KIAA1549: variants seen among roughly 807,000 people sequenced by gnomAD.
The protein encoded by KIAA1549 is UPF0606 protein KIAA1549.
Under a neutral mutation model 156.4 loss-of-function variants are expected in KIAA1549, and 70 were observed. That is an observed-to-expected ratio of 0.45 (90% CI 0.37 to 0.55). The LOEUF (loss-of-function observed/expected upper bound fraction) is 0.55. Among genes scored for constraint, KIAA1549 ranks in the 20% least tolerant of loss-of-function variants. The pLI is 0.00. For synonymous variants in KIAA1549, 1,103 were observed against 1,066.4 expected (o/e 1.03, Z -0.67); for missense variants, 2,428 against 2,540.9 (o/e 0.96, Z 0.96).
chr7:138,975,615 A>T (rs186017678), intron 1 of KIAA1549, among the ~76,000 whole-genome samples: 54 of 152,346 alleles, frequency 3.5e-4, no homozygotes, highest in African/African-American at 9.6e-4. Context: ...ACAAAGTTAC[A>T]GGCAGATTTG....
Position 138,899,009 on chromosome 7 carries a change from G to C in KIAA1549, c.3793C>G (p.Leu1265Val), listed in dbSNP as rs746975099. ...CCCAAGATGATGGCTGCTCTCTGGA[G>C]GTCCATTTTGTTAATCAGGTCCGAA... is the stretch of plus-strand genomic sequence containing the variant. ...KSSDLINKMD[L>V]QRAAIILGYR... Residue 1265 changes from leucine to valine, a missense_variant, in exon 9 of 20, where the codon CTC (leucine) becomes GTC (valine). Around this residue, in one of 5 missense-constraint regions of KIAA1549, gnomAD observed 762 missense variants for 901.6 expected, o/e 0.85. Transcript: ENST00000422774. 11 of 1,613,790 alleles carry C rather than the reference G, an allele frequency of 6.8e-6. No homozygotes were observed. The highest frequency in any genetic ancestry group is 9.3e-6 in the Non-Finnish European group (11 of 1,179,752).
At position 138,844,404 on chromosome 7, in the gene KIAA1549, A is replaced by C; in HGVS notation, c.5365T>G (p.Ser1789Ala). 1 of 1,605,230 alleles carries C rather than the reference A, an allele frequency of 6.2e-7. No individual in the cohort carries two copies. Among genetic ancestry groups the C allele is most frequent in the South Asian group, 1.1e-5 (1 of 89,846 alleles). Residue 1789 changes from serine to alanine, a missense_variant, in exon 18 of 20, where the codon TCC (serine) becomes GCC (alanine). Transcript: ENST00000422774. ...CTGGCAGCAAATGGGGCTTCGGCGG[A>C]GGCCTGTGGCTGCTGAGGGTCAGGG... Reference protein sequence around the residue: ...VPPDPQQPQASAEAPFAARGI... With the variant: ...VPPDPQQPQAAAEAPFAARGI...
At position 138,832,464 on chromosome 7, in the gene KIAA1549, G is replaced by A. The variant is rs112970796; in HGVS notation, c.*5442C>T. On this transcript the variant is annotated 3_prime_UTR_variant, in exon 20 of 20. Transcript: ENST00000422774. ...TCCTCCTGCCTCAGCCTCCCAAAGC[G>A]TTGAGATTAGAGGCTTGAGCCACCA... 2,946 of 193,956 alleles carry A rather than the reference G, an allele frequency of 0.015. 111 individuals are homozygous for A. The highest frequency in any genetic ancestry group is 0.064 in the African/African-American group (2,748 of 43,250). The allele number at this position is 193,956 out of a possible 1,614,324, so 12.0% of individuals were successfully genotyped here.
At chr7:138,942,202 C>G (rs955788624) in intron 1 of KIAA1549, among the ~76,000 whole-genome samples, 5 of 152,178 alleles carry the variant, frequency 3.3e-5, no homozygotes. Flanking sequence ...CAGCACCACA[C>G]TGTCTCTCTG....
At chr7:138,905,933 A>C (rs371777363) in intron 6 of KIAA1549, among the ~76,000 whole-genome samples, 1 of 152,246 alleles carries the variant, frequency 6.6e-6, no homozygotes, top group African/African-American at 2.4e-5. Flanking sequence ...GAACAGTTTC[A>C]CAACCCCCAA....
chr7:138,968,179 G>GC (rs1208116203), intron 1 of KIAA1549, among the ~76,000 whole-genome samples: 1 of 152,110 alleles, frequency 6.6e-6, no homozygotes, highest in Non-Finnish European at 1.5e-5. Flanking sequence ...CACACACCAG[G>GC]CCCTCTCGGT....
intron 18 of KIAA1549, among the ~76,000 whole-genome samples, chr7:138,841,151 G>C (rs941393848): frequency 2.0e-5 from 3 of 152,126 alleles, no homozygotes; most frequent in African/African-American, 7.2e-5. Context: ...TAAGAAAGGG[G>C]TGACAGGTTT....
Position 138,889,261 on chromosome 7 carries a change from CTCTATAGGGCGG to C in KIAA1549, c.4032+5069_4032+5080del, listed in dbSNP as rs1305977609. On this transcript the variant is annotated intron_variant, in intron 10 of 19. Transcript: ENST00000422774. ...AACGTAAAAATACAAACAGTATTGC[CTCTATAGGGCGG>C]TCTACGTAGCCCAAGCCTAGGCACC... Among the ~76,000 whole-genome samples, 8 of 152,298 alleles carry C rather than the reference CTCTATAGGGCGG, an allele frequency of 5.3e-5. No individual in the cohort carries two copies. The East Asian group carries it at 1.5e-3, about 29-fold the overall frequency.
intron 12 of KIAA1549, among the ~76,000 whole-genome samples, 163 bp downstream of exon 12, chr7:138,879,375 C>T (rs925034640): frequency 8.5e-5 from 13 of 152,120 alleles, no homozygotes; most frequent in Admixed American, 3.9e-4. Flanking sequence ...ACCAATACCA[C>T]GTTAGATGGT....
At chr7:138,877,362 T>C (rs1260948386) in intron 12 of KIAA1549, among the ~76,000 whole-genome samples, 1 of 152,052 alleles carries the variant, frequency 6.6e-6, no homozygotes, top group Non-Finnish European at 1.5e-5. Context: ...GGTGTGGTGG[T>C]ATACGTCTGT....
intron 17 of KIAA1549, 33 bp downstream of exon 17, chr7:138,852,188 GAA>G: frequency 6.5e-7 from 1 of 1,528,018 alleles, no homozygotes; most frequent in Non-Finnish European, 9.0e-7. Flanking sequence ...GCCTATGTGA[GAA>G]AGTGATAATA....
chr7:138,954,319 C>T (rs512290), intron 1 of KIAA1549, among the ~76,000 whole-genome samples: 64,090 of 151,978 alleles, frequency 0.42, 17,746 homozygotes, highest in African/African-American at 0.8. Flanking sequence ...GAGTAAGATA[C>T]TAAAGAAAGA....
chr7:138,880,520 C>G (rs189557200), intron 11 of KIAA1549, among the ~76,000 whole-genome samples: 335 of 152,320 alleles, frequency 2.2e-3, no homozygotes, highest in Non-Finnish European at 3.9e-3. Context: ...CCTGATAAGA[C>G]AGAAGTCATG....
chr7:138,854,414 A>T (rs1160079470), intron 16 of KIAA1549, among the ~76,000 whole-genome samples: 1 of 152,228 alleles, frequency 6.6e-6, no homozygotes, highest in African/African-American at 2.4e-5. Flanking sequence ...ACCAACTATC[A>T]CGTGGCCTGA....
intron 7 of KIAA1549, 135 bp from the exon 8 acceptor site, chr7:138,903,871 A>ACG (rs781582979): frequency 1.0e-5 from 6 of 592,916 alleles, no homozygotes; most frequent in African/African-American, 6.6e-5. Flanking sequence ...GCGCGCGCGC[A>ACG]CATATGTATT....
intron 18 of KIAA1549, among the ~76,000 whole-genome samples, chr7:138,841,023 G>T (rs1024461335): frequency 3.9e-5 from 6 of 152,184 alleles, no homozygotes; most frequent in Non-Finnish European, 7.3e-5. Context: ...TTAATTCAGA[G>T]GCTGACAGTG....
intron 1 of KIAA1549, among the ~76,000 whole-genome samples, chr7:138,941,610 G>A (rs1366744338): frequency 1.3e-5 from 2 of 152,184 alleles, no homozygotes; most frequent in Non-Finnish European, 2.9e-5. Flanking sequence ...CTGTGCGACA[G>A]AAGAATCCTC....
intron 17 of KIAA1549, among the ~76,000 whole-genome samples, chr7:138,846,585 T>C (rs1002011852): frequency 6.7e-5 from 10 of 150,110 alleles, no homozygotes; most frequent in Admixed American, 1.3e-4. Flanking sequence ...TCACCCACCA[T>C]TGCTTTTGCA....
intron 1 of KIAA1549, among the ~76,000 whole-genome samples, chr7:138,956,337 C>G (rs796560394): frequency 6.6e-6 from 1 of 152,136 alleles, no homozygotes; most frequent in Non-Finnish European, 1.5e-5. Context: ...TAAAAAGAAG[C>G]CCAGCTTTAT....
Sources: gnomAD v4.1 joint callset for allele counts (sites outside exome capture counted in the v4.1 genomes callset) on GRCh38, gnomAD v4.1.1 for gene constraint, gnomAD v4.1.1 regional missense constraint, MANE v1.5 for transcripts, NCBI Gene and HGNC (gene_info 2026-07-23, HGNC 2026-07-21) for gene names.